OPRM1: variants seen among roughly 807,000 people sequenced by gnomAD.
The protein encoded by OPRM1 is mu-type opioid receptor.
A neutral mutation model predicts 31.8 loss-of-function variants in OPRM1; 27 were observed. The observed-to-expected ratio is 0.85, with a 90% CI of 0.63 to 1.17. The LOEUF is 1.17. OPRM1 is among the 50% of genes most tolerant of loss of function. The pLI is 0.00. For synonymous variants in OPRM1, 196 were observed against 189.9 expected (o/e 1.03, Z -0.26); for missense variants, 536 against 511.1 (o/e 1.05, Z -0.47).
At chr6:154,233,631 T>C (rs1157576738) in intron 3 of OPRM1, among the ~76,000 whole-genome samples, 4 of 152,116 alleles carry the variant, frequency 2.6e-5, no homozygotes, top group Non-Finnish European at 5.9e-5. Context: ...AAAGAATTGA[T>C]TACGCTAATG....
In OPRM1 at chr6:154,121,547, A is replaced by G. The variant is rs1797299652; in HGVS notation, c.*2826A>G. On this transcript the variant is annotated 3_prime_UTR_variant, in exon 4 of 4. Transcript: ENST00000330432. ...GCTATGAGTAGGTAAGAGAGCATTC[A>G]TTCCCTTCAATAATATGACTGTGTT... Among the ~76,000 whole-genome samples, 1 of 152,214 alleles carries G rather than the reference A, an allele frequency of 6.6e-6. No individual in the cohort carries two copies. The highest frequency in any genetic ancestry group is 1.5e-5 in the Non-Finnish European group (1 of 68,032).
At position 154,091,188 on chromosome 6, in the gene OPRM1, T is replaced by G; in HGVS notation, c.880T>G (p.Cys294Gly). 3.1e-6 allele frequency: 5 copies of G among 1,614,166 alleles called. No individual in the cohort carries two copies. Among genetic ancestry groups the G allele is most frequent in the Non-Finnish European group, 4.2e-6 (5 of 1,180,014 alleles). The change falls in exon 3 of 4, where the codon TGC (cysteine) becomes GGC (glycine). Residue 294 changes from cysteine to glycine, a missense_variant. Coordinates refer to ENST00000330432, the MANE Select transcript of OPRM1 (RefSeq NM_000914.5). ...VLVVVAVFIVCWTPIHIYVII... is the reference protein window; with the variant it reads ...VLVVVAVFIVGWTPIHIYVII... ...GGTGGTGGTGGCTGTGTTCATCGTC[T>G]GCTGGACTCCCATTCACATTTACGT...
In OPRM1 at chr6:154,122,475, A is replaced by T. The variant is rs1399948023; in HGVS notation, c.*3754A>T. 6.6e-6 allele frequency among the ~76,000 whole-genome samples: 1 copy of T among 152,182 alleles called. No homozygotes were observed. The highest frequency in any genetic ancestry group is 1.5e-5 in the Non-Finnish European group (1 of 68,020). The stretch of plus-strand genomic sequence containing the variant: ...CATAGTCATAGAACAGGGCATGCAG[A>T]TTGTATTTAAGACCACTGCAAGTAA... On this transcript the variant is annotated 3_prime_UTR_variant, in exon 4 of 4. Transcript: ENST00000330432.
intron 1 of OPRM1, among the ~76,000 whole-genome samples, chr6:154,050,406 A>G (rs1583233275): frequency 6.6e-6 from 1 of 152,310 alleles, no homozygotes; most frequent in East Asian, 1.9e-4. Context: ...ATGGTATACT[A>G]CTATTCAGCC....
At chr6:154,160,289 A>G (rs534245371) in intron 3 of OPRM1, among the ~76,000 whole-genome samples, 3 of 152,288 alleles carry the variant, frequency 2.0e-5, no homozygotes, top group African/African-American at 7.2e-5. Context: ...AAGATCTTCT[A>G]TGTTGCCTTT....
chr6:154,051,124 TG>T, intron 1 of OPRM1, among the ~76,000 whole-genome samples: 1 of 152,288 alleles, frequency 6.6e-6, no homozygotes, highest in Admixed American at 6.5e-5. Context: ...CTCTAAAACA[TG>T]GAAAGGAAAC....
At chr6:154,013,711 G>A (rs1777851531) in intron 1 of OPRM1, among the ~76,000 whole-genome samples, 1 of 152,090 alleles carries the variant, frequency 6.6e-6, no homozygotes, top group African/African-American at 2.4e-5. Flanking sequence ...GATGTTGGCG[G>A]GGGTTGGCTG....
At chr6:154,237,088 CT>C (rs1780194435) in intron 3 of OPRM1, among the ~76,000 whole-genome samples, 1 of 152,316 alleles carries the variant, frequency 6.6e-6, no homozygotes, top group East Asian at 1.9e-4. Flanking sequence ...TATCAATTAG[CT>C]TGTCTGTAGA....
At chr6:154,237,208 A>C (rs906028034) in intron 3 of OPRM1, among the ~76,000 whole-genome samples, 3 of 152,174 alleles carry the variant, frequency 2.0e-5, no homozygotes, top group African/African-American at 7.2e-5. Context: ...AGTTCAGCTC[A>C]TCCCATGGGC....
At chr6:154,151,933 G>C (rs1254770999) in intron 3 of OPRM1, among the ~76,000 whole-genome samples, 1 of 152,062 alleles carries the variant, frequency 6.6e-6, no homozygotes, top group Non-Finnish European at 1.5e-5. Flanking sequence ...CCAGCACTTT[G>C]GGAGGCTGAG....
At chr6:154,174,917 T>G (rs984348471) in intron 3 of OPRM1, among the ~76,000 whole-genome samples, 1 of 152,110 alleles carries the variant, frequency 6.6e-6, no homozygotes, top group South Asian at 2.1e-4. Context: ...ACCAAATAAT[T>G]GGAAGTAAAA....
At chr6:154,096,817 A>T (rs1273322819) in intron 3 of OPRM1, among the ~76,000 whole-genome samples, 5 of 152,196 alleles carry the variant, frequency 3.3e-5, no homozygotes, top group Admixed American at 3.3e-4. Flanking sequence ...TTATTATCAC[A>T]TGGTCTCAGC....
At chr6:154,084,899 G>C (rs918226278) in intron 1 of OPRM1, among the ~76,000 whole-genome samples, 2 of 147,832 alleles carry the variant, frequency 1.4e-5, no homozygotes, top group Admixed American at 6.8e-5. Flanking sequence ...GCAATATGAA[G>C]GCCATGATGT....
chr6:154,150,169 G>A (rs1243912063), intron 3 of OPRM1, among the ~76,000 whole-genome samples: 2 of 152,218 alleles, frequency 1.3e-5, no homozygotes, highest in African/African-American at 4.8e-5. Context: ...CCATTTTCCA[G>A]GCTTTCAAGG....
At chr6:154,169,129 G>A (rs915431926) in intron 3 of OPRM1, among the ~76,000 whole-genome samples, 1 of 152,154 alleles carries the variant, frequency 6.6e-6, no homozygotes, top group Non-Finnish European at 1.5e-5. Context: ...GGGAGGCCAA[G>A]GCAGGAGGAT....
intron 1 of OPRM1, among the ~76,000 whole-genome samples, chr6:154,080,962 A>T (rs972332240): frequency 1.3e-5 from 2 of 152,046 alleles, no homozygotes; most frequent in South Asian, 4.1e-4. Flanking sequence ...AACAATCCCA[A>T]TTCTCCATTT....
At chr6:154,095,300 GAAAGA>G (rs1256482129) in intron 3 of OPRM1, among the ~76,000 whole-genome samples, 1 of 152,072 alleles carries the variant, frequency 6.6e-6, no homozygotes, top group Non-Finnish European at 1.5e-5. Context: ...TCAAAAGAAA[GAAAGA>G]AAAGAAAGAA....
chr6:154,246,690 C>G, intron 3 of OPRM1: 1 of 1,614,084 alleles, frequency 6.2e-7, no homozygotes, highest in Non-Finnish European at 8.5e-7. Context: ...TTTTCTTATA[C>G]AGCCACCCTT....
upstream of OPRM1, among the ~76,000 whole-genome samples, chr6:154,037,796 AT>A: frequency 6.6e-6 from 1 of 152,236 alleles, no homozygotes; most frequent in African/African-American, 2.4e-5. Context: ...GTAAAGTAAC[AT>A]GTCCAAACTC....
Sources: gnomAD v4.1 joint callset for allele counts (sites outside exome capture counted in the v4.1 genomes callset) on GRCh38, gnomAD v4.1.1 for gene constraint, MANE v1.5 for transcripts, NCBI Gene and HGNC (gene_info 2026-07-23, HGNC 2026-07-21) for gene names.